CUTC: variants seen among roughly 807,000 people sequenced by gnomAD.
The protein encoded by CUTC is copper homeostasis protein cutC homolog.
In CUTC, 27 loss-of-function variants were observed where a neutral mutation model predicts 36.2. The ratio of observed to expected loss-of-function variants is 0.75; its 90% CI spans 0.55 to 1.03. The LOEUF (loss-of-function observed/expected upper bound fraction) is 1.03. Ranked by LOEUF, CUTC falls within the 50% of genes least tolerant of loss-of-function variation. The probability of loss-of-function intolerance (pLI) is 0.00; values close to 1 mark genes in which losing one functional copy is unlikely to be tolerated. For missense variants in CUTC, 315 were observed against 343.5 expected (o/e 0.92, Z 0.66); for synonymous variants, 114 against 118.3 (o/e 0.96, Z 0.24).
At chr10:99,751,477 C>T (rs1166730672) in intron 7 of CUTC, among the ~76,000 whole-genome samples, 1 of 152,192 alleles carries the variant, frequency 6.6e-6, no homozygotes, top group Non-Finnish European at 1.5e-5. Context: ...CAGTTGCACG[C>T]TGCCATGCCC....
intron 2 of CUTC, among the ~76,000 whole-genome samples, chr10:99,739,428 C>G (rs1264761191): frequency 6.6e-6 from 1 of 152,154 alleles, no homozygotes; most frequent in African/African-American, 2.4e-5. Flanking sequence ...CATCTTTATT[C>G]TATGTTACTT....
chr10:99,755,574 A>C (rs1377062082), intron 8 of CUTC, 51 bp from the exon 9 acceptor site: 2 of 1,166,212 alleles, frequency 1.7e-6, no homozygotes, highest in South Asian at 2.5e-5. Context: ...CGGCAGTAGG[A>C]GGGCCCATTT....
In CUTC at chr10:99,743,165, T is replaced by C; in HGVS notation, c.206T>C (p.Val69Ala). The C allele has an allele frequency of 6.2e-7, 1 of 1,614,106 alleles. No individual in the cohort carries two copies. Among genetic ancestry groups the C allele is most frequent in the Middle Eastern group, 1.6e-4 (1 of 6,062 alleles). Residue 69 changes from valine to alanine, a missense_variant, in exon 4 of 9, where the codon GTA becomes GCA. By Grantham distance (64) the Val-to-Ala change is moderately conservative. Coordinates refer to ENST00000370476, the MANE Select transcript of CUTC (RefSeq NM_015960.3). ...GTTPSMGVLQ[V>A]VKQSVQIPVF... ...TCTTTTCTTGTAGGTGTCCTTCAAG[T>C]AGTGAAGCAGAGTGTTCAGATCCCA...
intron 1 of CUTC, among the ~76,000 whole-genome samples, chr10:99,734,300 C>T (rs945584180): frequency 7.9e-5 from 12 of 152,110 alleles, no homozygotes; most frequent in African/African-American, 2.9e-4. Flanking sequence ...AAAATCCTGA[C>T]CTCAGATCCG....
At chr10:99,732,725 G>T in intron 1 of CUTC, 1 of 575,458 alleles carries the variant, frequency 1.7e-6, no homozygotes, top group Non-Finnish European at 2.2e-6. Context: ...TGCCAGTACC[G>T]CCCGCACCAG....
intron 1 of CUTC, 166 bp downstream of exon 1, chr10:99,732,575 G>A (rs562624180): frequency 1.8e-5 from 26 of 1,439,588 alleles, no homozygotes; most frequent in Non-Finnish European, 2.1e-5. Flanking sequence ...GGAAACGGAG[G>A]GCGTGACGAG....
At chr10:99,736,987 C>T (rs2133663123) in intron 2 of CUTC, among the ~76,000 whole-genome samples, 1 of 152,252 alleles carries the variant, frequency 6.6e-6, no homozygotes, top group Admixed American at 6.5e-5. Context: ...ATGTAAACAT[C>T]AGCCGGGTGC....
chr10:99,738,793 T>C (rs1237744748), intron 2 of CUTC, among the ~76,000 whole-genome samples: 1 of 152,140 alleles, frequency 6.6e-6, no homozygotes, highest in African/African-American at 2.4e-5. Context: ...GTTTTTGTGA[T>C]ATTAAGATTG....
intron 2 of CUTC, among the ~76,000 whole-genome samples, chr10:99,738,728 TTATATAC>T (rs2037317629): frequency 6.6e-6 from 1 of 152,198 alleles, no homozygotes; most frequent in Non-Finnish European, 1.5e-5. Context: ...ATAGATAACA[TTATATAC>T]TTCCTGTTGC....
intron 2 of CUTC, among the ~76,000 whole-genome samples, chr10:99,736,710 C>G (rs2037299740): frequency 6.6e-6 from 1 of 152,036 alleles, no homozygotes; most frequent in Non-Finnish European, 1.5e-5. Context: ...ATGGGAAGCA[C>G]AGACATTTCC....
rs139496321 is a variant in CUTC, at chr10:99,750,144, A to G, written c.574-225A>G. Reference sequence around the variant, plus strand: ...AGAAAATGGCACTTATTGGGGGGGAAAATGACTTTTTGGAAAGATAATTTT... The same window carrying G: ...AGAAAATGGCACTTATTGGGGGGGAGAATGACTTTTTGGAAAGATAATTTT... On this transcript the variant is annotated intron_variant, in intron 6 of 8. Coordinates refer to ENST00000370476, the MANE Select transcript of CUTC (RefSeq NM_015960.3). Among the ~76,000 whole-genome samples the G allele has an allele frequency of 1.2e-4, 18 of 152,258 alleles. No homozygotes were observed. In the East Asian group the frequency reaches 3.5e-3, roughly 29 times the overall value.
Position 99,743,668 on chromosome 10 carries a change from G to C in CUTC, c.403+306G>C, listed in dbSNP as rs189589472. 1.0e-3 allele frequency among the ~76,000 whole-genome samples: 155 copies of C among 152,234 alleles called. 1 individual carries two copies. Among genetic ancestry groups the C allele is most frequent in the African/African-American group, 3.5e-3 (146 of 41,534 alleles). On this transcript the variant is annotated intron_variant, in intron 4 of 8. Coordinates refer to ENST00000370476, the MANE Select transcript of CUTC (RefSeq NM_015960.3). ...CAAGAACTTCAAAAGTATTATAGTT[G>C]GTGAGGATGGACCACCAAGTTGGAA...
Position 99,743,178 on chromosome 10 carries a change from T to C in CUTC, c.219T>C (p.Ser73=). ...GTGTCCTTCAAGTAGTGAAGCAGAG[T>C]GTTCAGATCCCAGTTTTTGTGATGA... ...SMGVLQVVKQ[S]VQIPVFVMIR... The change falls in exon 4 of 9, where the codon AGT becomes AGC. Residue 73 remains serine (S), a synonymous_variant. Coordinates refer to ENST00000370476, the MANE Select transcript of CUTC (RefSeq NM_015960.3). 6.2e-7 allele frequency: 1 copy of C among 1,614,060 alleles called. No individual in the cohort carries two copies. The highest frequency in any genetic ancestry group is 8.5e-7 in the Non-Finnish European group (1 of 1,179,994).
intron 8 of CUTC, 33 bp from the exon 9 acceptor site, chr10:99,755,592 T>A (rs771060745): frequency 2.1e-6 from 3 of 1,429,482 alleles, no homozygotes; most frequent in African/African-American, 2.8e-5. Context: ...TTTAATAACA[T>A]AATTATCTGT....
chr10:99,744,568 G>T (rs1351565437), intron 5 of CUTC, among the ~76,000 whole-genome samples: 1 of 152,118 alleles, frequency 6.6e-6, no homozygotes, highest in Non-Finnish European at 1.5e-5. Context: ...GAAGAATTGG[G>T]TCTTATTAGG....
chr10:99,747,379 CT>C lies in CUTC; in HGVS notation c.563del (p.Leu188ProfsTer11), dbSNP rs868231934. The C allele has an allele frequency of 1.2e-6, 2 of 1,614,076 alleles. No individual in the cohort carries two copies. The highest frequency in any genetic ancestry group is 2.7e-5 in the African/African-American group (2 of 74,930). On this transcript the variant is annotated frameshift_variant, in exon 6 of 9. Transcript: ENST00000370476. LOFTEE classifies it high-confidence loss of function. The part of the protein sequence containing the change: ...ALEGLPLIKR[L>X]IEQAKGRIVV... ...AGAAGGGCTACCCCTAATAAAGCGA[CT>C]CATTGAGCAGGTACGTGGACTTTAT...
rs74152743 is a variant in CUTC at position 99,738,458 on chromosome 10, C to T, written c.134-1252C>T. Among the ~76,000 whole-genome samples the T allele has an allele frequency of 2.0e-3, 298 of 148,022 alleles. 2 individuals carry two copies. The highest frequency in any genetic ancestry group is 7.2e-3 in the African/African-American group (290 of 40,234). Reference sequence around the variant, plus strand: ...TCTTTGAATCAAGAGCCAAACATTTCATTTGTTTTATATGCCTCTTAAGTC... The same window carrying T: ...TCTTTGAATCAAGAGCCAAACATTTTATTTGTTTTATATGCCTCTTAAGTC... On this transcript the variant is annotated intron_variant, in intron 2 of 8. Transcript: ENST00000370476.
Position 99,749,837 on chromosome 10 carries a change from A to G in CUTC, c.574-532A>G, listed in dbSNP as rs532007443. ...TTATTGCTACCTGGAATTTTATTGT[A>G]TAAATATCCCTGTGCATTGTCTCGT... On this transcript the variant is annotated intron_variant, in intron 6 of 8. Transcript: ENST00000370476. Among the ~76,000 whole-genome samples the G allele has an allele frequency of 2.6e-5, 4 of 152,080 alleles. No individual in the cohort carries two copies. The South Asian group carries it at 8.3e-4, about 32-fold the overall frequency.
chr10:99,754,399 G>T, intron 7 of CUTC, 130 bp from the exon 8 acceptor site: 1 of 684,234 alleles, frequency 1.5e-6, no homozygotes, highest in Non-Finnish European at 2.6e-6. Context: ...GCTGGGTAGG[G>T]AGAGACTAAT....
Sources: gnomAD v4.1 joint callset for allele counts (sites outside exome capture counted in the v4.1 genomes callset) on GRCh38, gnomAD v4.1.1 for gene constraint, MANE v1.5 for transcripts, NCBI Gene and HGNC (gene_info 2026-07-23, HGNC 2026-07-21) for gene names.